TRAPPC8: variants seen among roughly 807,000 people sequenced by gnomAD.
TRAPPC8 encodes general sporulation gene 1 homolog.
TRAPPC8 carries 54 observed loss-of-function variants against 174.3 expected under a neutral mutation model. The observed-to-expected ratio is 0.31, with a 90% CI of 0.25 to 0.39. TRAPPC8 has a LOEUF of 0.39. Ranked by LOEUF, TRAPPC8 falls within the 10% of genes least tolerant of loss-of-function variation. TRAPPC8 has a pLI of 1.00. For synonymous variants in TRAPPC8, 630 were observed against 579.9 expected, an observed-to-expected ratio of 1.09 and a Z score of -1.24; for missense variants, 1,531 against 1,699.1, an observed-to-expected ratio of 0.90 and a Z score of 1.74.
intron 11 of TRAPPC8, among the ~76,000 whole-genome samples, chr18:31,896,735 T>C (rs12957365): frequency 0.26 from 39,276 of 152,062 alleles, 5,375 homozygotes; most frequent in Middle Eastern, 0.38. Flanking sequence ...GCAATTCTCC[T>C]GCCTCAGCCT....
chr18:31,873,358 T>G (rs1039126398), intron 14 of TRAPPC8, 72 bp downstream of exon 14: 26 of 1,276,404 alleles, frequency 2.0e-5, no homozygotes, highest in Non-Finnish European at 2.9e-5. Context: ...CATCGTTTTT[T>G]AAATGGAGAA....
At chr18:31,908,255 T>C (rs760063333) in intron 8 of TRAPPC8, 48 bp downstream of exon 8, 16 of 1,175,672 alleles carry the variant, frequency 1.4e-5, no homozygotes, top group Admixed American at 9.2e-5. Context: ...CAAACACTAG[T>C]CAGAGAGTTA....
At chr18:31,938,264 G>A (rs573379997) in intron 1 of TRAPPC8, among the ~76,000 whole-genome samples, 30 of 151,902 alleles carry the variant, frequency 2.0e-4, no homozygotes, top group Non-Finnish European at 3.8e-4. Flanking sequence ...TGAGTATTAG[G>A]ATCTCAAAAT....
At chr18:31,898,890 A>G (rs1034610213) in intron 10 of TRAPPC8, among the ~76,000 whole-genome samples, 2 of 152,242 alleles carry the variant, frequency 1.3e-5, no homozygotes, top group Admixed American at 6.5e-5. Flanking sequence ...AGAATCAAAA[A>G]TATCACTTGG....
Position 31,849,637 on chromosome 18 carries a change from A to T in TRAPPC8, c.3664T>A (p.Ser1222Thr). The T allele has an allele frequency of 6.2e-7, 1 of 1,613,210 alleles. No individual in the cohort carries two copies. Among genetic ancestry groups the T allele is most frequent in the Non-Finnish European group, 8.5e-7 (1 of 1,179,690 alleles). Residue 1222 changes from serine to threonine, a missense_variant, in exon 25 of 29, where the codon TCA becomes ACA. Ser to Thr is a moderately conservative substitution (Grantham distance 58). Coordinates refer to ENST00000283351, the MANE Select transcript of TRAPPC8 (RefSeq NM_014939.5). The part of the protein sequence containing the change: ...AHLPVHTEKQ[S>T]TEDAVRLIQK... The stretch of plus-strand genomic sequence containing the variant: ...ATCAATCTCACAGCATCCTCTGTTG[A>T]CTGTTTTTCTGTATGCACAGGCAAG...
Position 31,901,101 on chromosome 18 carries a change from G to T in TRAPPC8, c.1390-76C>A. On this transcript the variant is annotated intron_variant, in intron 9 of 28. Transcript: ENST00000283351. Reference sequence around the variant, plus strand: ...AGTTTAGATGGGAAACTAAAAGTTGGAATGAAATTTGCTGTTTTTTTTTTA... The same window carrying T: ...AGTTTAGATGGGAAACTAAAAGTTGTAATGAAATTTGCTGTTTTTTTTTTA... 2.3e-6 allele frequency: 3 copies of T among 1,328,756 alleles called. No homozygotes were observed. In the East Asian group the frequency reaches 7.7e-5, roughly 34 times the overall value. 82.3% of individuals were successfully genotyped at this position (1,328,756 alleles called of 1,614,324 possible).
chr18:31,936,864 G>A (rs183955452), intron 1 of TRAPPC8, among the ~76,000 whole-genome samples: 108 of 142,314 alleles, frequency 7.6e-4, no homozygotes, highest in African/African-American at 2.5e-3. Context: ...ATTGTGCGAC[G>A]GCACTGCAGT....
intron 2 of TRAPPC8, among the ~76,000 whole-genome samples, chr18:31,918,456 A>ATCTGGCAACG (rs2037241319): frequency 6.6e-6 from 1 of 152,180 alleles, no homozygotes; most frequent in African/African-American, 2.4e-5. Flanking sequence ...CCCAGGAAAC[A>ATCTGGCAACG]TCTGGCAACG....
intron 2 of TRAPPC8, chr18:31,926,490 CAG>C (rs1196884428): frequency 2.7e-5 from 4 of 150,506 alleles, no homozygotes; most frequent in Admixed American, 6.6e-5. Flanking sequence ...TTTTTTGAGA[CAG>C]AGTTTCGCTC....
At chr18:31,914,298 A>G (rs1391077396) in intron 4 of TRAPPC8, among the ~76,000 whole-genome samples, 3 of 152,376 alleles carry the variant, frequency 2.0e-5, no homozygotes, top group African/African-American at 7.2e-5. Context: ...AAATAGTTAT[A>G]GAAAATTTGT....
chr18:31,917,269 T>C (rs2037188084), intron 3 of TRAPPC8, among the ~76,000 whole-genome samples: 1 of 152,064 alleles, frequency 6.6e-6, no homozygotes, highest in Non-Finnish European at 1.5e-5. Context: ...ATTGTTTAGA[T>C]TTTCTTTCTA....
At chr18:31,892,701 A>G (rs1398582976) in intron 11 of TRAPPC8, among the ~76,000 whole-genome samples, 1 of 152,116 alleles carries the variant, frequency 6.6e-6, no homozygotes, top group Non-Finnish European at 1.5e-5. Flanking sequence ...GTTCCACTCT[A>G]CTCAGCCAAA....
In TRAPPC8 at chr18:31,925,886, A is replaced by G. The variant is rs569267731; in HGVS notation, c.352+5443T>C. Among the ~76,000 whole-genome samples the G allele has an allele frequency of 1.2e-4, 19 of 152,356 alleles. No homozygotes were observed. The East Asian group carries it at 3.7e-3, about 29-fold the overall frequency. On this transcript the variant is annotated intron_variant, in intron 2 of 28. Transcript: ENST00000283351. ...TCAAACCATCAATCAAGTATATAAAATAAGAACATTTTCCAACATTCATTC... is the reference window on the plus strand; with the variant it reads ...TCAAACCATCAATCAAGTATATAAAGTAAGAACATTTTCCAACATTCATTC...
chr18:31,879,106 C>T (rs531069673), intron 12 of TRAPPC8, among the ~76,000 whole-genome samples: 7 of 152,166 alleles, frequency 4.6e-5, no homozygotes, highest in East Asian at 1.9e-4. Flanking sequence ...GGAATTAAAT[C>T]GGACTTTTGA....
chr18:31,853,950 CA>C lies in TRAPPC8; in HGVS notation c.3337-6del, dbSNP rs368121793. The C allele has an allele frequency of 4.5e-4, 702 of 1,558,270 alleles. No homozygotes were observed. The highest frequency in any genetic ancestry group is 1.3e-3 in the Admixed American group (71 of 52,820). On this transcript the variant is annotated splice_region_variant and splice_polypyrimidine_tract_variant and intron_variant, in intron 21 of 28. Coordinates refer to ENST00000283351, the MANE Select transcript of TRAPPC8 (RefSeq NM_014939.5). ...TTCCTTAACGCCTGCTTCACTCTGT[CA>C]AAAAAAAAGATAGGAGTCATTCAGG...
At position 31,829,693 on chromosome 18, in the gene TRAPPC8, C is replaced by A. The variant is rs2032248100; in HGVS notation, c.*1062G>T. 1 of 152,274 alleles carries A rather than the reference C, an allele frequency of 6.6e-6. No individual in the cohort carries two copies. The allele number at this position is 152,274 out of a possible 1,614,324, so 9.4% of individuals were successfully genotyped here. A position where few individuals can be genotyped will look rare whatever the true frequency, so the allele number is the denominator to read the frequency against. The stretch of plus-strand genomic sequence containing the variant: ...GACTGGAACAAACCATGGTAGCTGT[C>A]AATGGCACAAGGACCCCATCTGCTC... On this transcript the variant is annotated 3_prime_UTR_variant, in exon 29 of 29. Coordinates refer to ENST00000283351, the MANE Select transcript of TRAPPC8 (RefSeq NM_014939.5).
intron 27 of TRAPPC8, among the ~76,000 whole-genome samples, chr18:31,837,048 C>A (rs1045230046): frequency 6.6e-6 from 1 of 152,030 alleles, no homozygotes; most frequent in Non-Finnish European, 1.5e-5. Flanking sequence ...AGGCGTGAGC[C>A]ACCGCGCCCG....
chr18:31,882,225 T>G (rs2035489082), intron 12 of TRAPPC8, among the ~76,000 whole-genome samples: 1 of 152,146 alleles, frequency 6.6e-6, no homozygotes, highest in African/African-American at 2.4e-5. Context: ...AATGGTGGAC[T>G]GTATAAAGAA....
intron 10 of TRAPPC8, 40 bp downstream of exon 10, chr18:31,900,885 C>G (rs779119709): frequency 7.0e-7 from 1 of 1,428,150 alleles, no homozygotes; most frequent in Admixed American, 2.3e-5. Flanking sequence ...ACAAACTGAC[C>G]TTTAACTGGA....
Sources: allele counts gnomAD v4.1 joint callset (sites outside exome capture counted in the v4.1 genomes callset), GRCh38; gene constraint gnomAD v4.1.1; transcripts MANE v1.5; gene names NCBI Gene and HGNC (gene_info 2026-07-23, HGNC 2026-07-21).